Variants in AHI1 observed in about 807,000 individuals in gnomAD.
The protein encoded by AHI1 is jouberin.
Under a neutral mutation model 149.3 loss-of-function variants are expected in AHI1, and 123 were observed. The observed-to-expected ratio is 0.82, with a 90% confidence interval of 0.71 to 0.96. The LOEUF is 0.96. Among genes scored for constraint, AHI1 ranks in the 40% least tolerant of loss-of-function variants. The pLI is 0.00. For synonymous variants in AHI1, 475 were observed against 459.8 expected, an observed-to-expected ratio of 1.03 and a Z score of -0.42; for missense variants, 1,439 against 1,422.7, an observed-to-expected ratio of 1.01 and a Z score of -0.18.
chr6:135,457,445 T>C lies in AHI1; in HGVS notation c.1151+49A>G, dbSNP rs758458166. On this transcript the variant is annotated intron_variant, in intron 9 of 28. Coordinates refer to ENST00000265602, the MANE Select transcript of AHI1 (RefSeq NM_001134831.2). ...AACTACCAATGGCAGAAAAAAGACTTCTACTAGTTTCAGTTTCAAGAATTA... is the reference window on the plus strand; with the variant it reads ...AACTACCAATGGCAGAAAAAAGACTCCTACTAGTTTCAGTTTCAAGAATTA... 10 of 1,414,198 alleles carry C rather than the reference T, an allele frequency of 7.1e-6. 1 individual carries two copies. The highest frequency in any genetic ancestry group is 2.0e-5 in the Admixed American group (1 of 50,238). The allele number at this position is 1,414,198 out of a possible 1,614,324, so 87.6% of individuals were successfully genotyped here.
chr6:135,320,784 G>A (rs1344326559), intron 25 of AHI1, among the ~76,000 whole-genome samples: 2 of 152,090 alleles, frequency 1.3e-5, no homozygotes, highest in Non-Finnish European at 2.9e-5. Flanking sequence ...GTAATATTTC[G>A]TTAAAATGAG....
chr6:135,492,668 G>A, intron 3 of AHI1: 1 of 985,372 alleles, frequency 1.0e-6, no homozygotes, highest in Non-Finnish European at 1.2e-6. Context: ...ACTTTCCTAA[G>A]AGCATTCAAT....
At chr6:135,305,355 A>G (rs1024887766) in intron 26 of AHI1, among the ~76,000 whole-genome samples, 4 of 152,224 alleles carry the variant, frequency 2.6e-5, no homozygotes, top group Non-Finnish European at 4.4e-5. Flanking sequence ...TTTTCTGGAA[A>G]TATACTTGGA....
chr6:135,427,106 G>A (rs1784014615), intron 20 of AHI1, 61 bp downstream of exon 20: 13 of 1,493,764 alleles, frequency 8.7e-6, no homozygotes, highest in African/African-American at 1.4e-5. Flanking sequence ...ACAGATTCCT[G>A]GTTTAGTCTA....
intron 3 of AHI1, chr6:135,492,946 G>T (rs2128137101): frequency 1.0e-6 from 1 of 976,916 alleles, no homozygotes. Context: ...CATTTAGAAT[G>T]TAATATGCAT....
At chr6:135,415,391 T>C (rs1583120289) in intron 20 of AHI1, among the ~76,000 whole-genome samples, 1 of 152,320 alleles carries the variant, frequency 6.6e-6, no homozygotes, top group East Asian at 1.9e-4. Context: ...ATTGCCACAC[T>C]GACTTCCACA....
chr6:135,310,669 A>G (rs1785076409), intron 26 of AHI1, among the ~76,000 whole-genome samples: 1 of 152,232 alleles, frequency 6.6e-6, no homozygotes, highest in Middle Eastern at 3.2e-3. Flanking sequence ...TATCTTGAAT[A>G]GCAAAACCAA....
rs773551361 is a variant in AHI1, at chr6:135,457,720, G to T, written c.932-7C>A. On this transcript the variant is annotated splice_polypyrimidine_tract_variant and splice_region_variant and intron_variant, in intron 8 of 28. Coordinates refer to ENST00000265602, the MANE Select transcript of AHI1 (RefSeq NM_001134831.2). ...TCTTCATTATTATCTGCAACTACAC[G>T]CATGGAAAAAAAAATCAATGTTATA... The T allele has an allele frequency of 5.6e-6, 9 of 1,607,774 alleles. No homozygotes were observed. Among genetic ancestry groups the T allele is most frequent in the Non-Finnish European group, 7.7e-6 (9 of 1,176,358 alleles).
chr6:135,398,806 T>C (rs2128490529), intron 22 of AHI1, among the ~76,000 whole-genome samples: 1 of 152,300 alleles, frequency 6.6e-6, no homozygotes, highest in South Asian at 2.1e-4. Flanking sequence ...CTTATGTCTT[T>C]ACTTCTAGGG....
intron 24 of AHI1, among the ~76,000 whole-genome samples, chr6:135,323,746 C>G (rs1787230075): frequency 6.6e-6 from 1 of 152,084 alleles, no homozygotes; most frequent in African/African-American, 2.4e-5. Context: ...AGGAAAAACT[C>G]AATGGAACAA....
At chr6:135,426,570 A>G (rs991872449) in intron 20 of AHI1, among the ~76,000 whole-genome samples, 1 of 151,734 alleles carries the variant, frequency 6.6e-6, no homozygotes, top group Non-Finnish European at 1.5e-5. Context: ...TGAGAATGAC[A>G]GCACTAATAG....
intron 15 of AHI1, among the ~76,000 whole-genome samples, chr6:135,436,600 G>C (rs192649687): frequency 1.3e-5 from 2 of 152,206 alleles, no homozygotes; most frequent in East Asian, 3.9e-4. Flanking sequence ...GGCAATTTGA[G>C]CATATTTCTT....
At chr6:135,444,271 T>G (rs1786801308) in intron 13 of AHI1, among the ~76,000 whole-genome samples, 1 of 152,202 alleles carries the variant, frequency 6.6e-6, no homozygotes. Context: ...TAATTCATCC[T>G]CAAATACAAT....
At chr6:135,433,444 T>G (rs1784941294) in intron 15 of AHI1, among the ~76,000 whole-genome samples, 188 bp from the exon 16 acceptor site, 1 of 152,180 alleles carries the variant, frequency 6.6e-6, no homozygotes, top group Non-Finnish European at 1.5e-5. Flanking sequence ...TTTTCACATG[T>G]GACAAAGTTA....
At chr6:135,492,350 C>T (rs1468947327) in intron 3 of AHI1, 59 bp from the exon 4 acceptor site, 17 of 1,460,126 alleles carry the variant, frequency 1.2e-5, no homozygotes, top group Middle Eastern at 1.8e-4. Flanking sequence ...AATTATAAAA[C>T]GTTCTTCACA....
At chr6:135,372,518 GAA>G (rs61208164) in intron 23 of AHI1, among the ~76,000 whole-genome samples, 38 of 136,356 alleles carry the variant, frequency 2.8e-4, no homozygotes, top group South Asian at 6.9e-4. Context: ...GAAAAAAAAA[GAA>G]AAAAAAAAAA....
chr6:135,336,460 T>A (rs1789403438), intron 24 of AHI1, among the ~76,000 whole-genome samples: 1 of 151,864 alleles, frequency 6.6e-6, no homozygotes. Context: ...TAACCAGGCA[T>A]GGTGATGCAT....
At chr6:135,383,094 T>C (rs2128470399) in intron 23 of AHI1, among the ~76,000 whole-genome samples, 1 of 149,656 alleles carries the variant, frequency 6.7e-6, no homozygotes, top group East Asian at 1.9e-4. Context: ...ACCTTTTATT[T>C]TGTGAATTAA....
chr6:135,289,094 T>G (rs1263442543), intron 28 of AHI1, among the ~76,000 whole-genome samples: 1 of 148,444 alleles, frequency 6.7e-6, no homozygotes. Flanking sequence ...TATTTATCCC[T>G]TTAAGAATCC....
Sources: allele counts gnomAD v4.1 joint callset (sites outside exome capture counted in the v4.1 genomes callset), GRCh38; gene constraint gnomAD v4.1.1; transcripts MANE v1.5; gene names NCBI Gene and HGNC (gene_info 2026-07-23, HGNC 2026-07-21).